The following RFX3 variants were observed in gnomAD, a reference collection of about 807,000 sequenced individuals.
RFX3 encodes the protein transcription factor RFX3.
A neutral mutation model predicts 98.6 loss-of-function variants in RFX3; 14 were observed. The observed-to-expected ratio is 0.14, with a 90% CI of 0.09 to 0.22. RFX3 has a LOEUF of 0.22. RFX3 is among the 10% of genes least tolerant of loss of function. The pLI is 1.00. For missense variants in RFX3, 639 were observed against 926.9 expected, an observed-to-expected ratio of 0.69 and a Z score of 4.03; for synonymous variants, 383 against 328.4, an observed-to-expected ratio of 1.17 and a Z score of -1.80.
chr9:3,330,169 A>G (rs1832422763), intron 4 of RFX3, 90 bp downstream of exon 4: 1 of 1,329,302 alleles, frequency 7.5e-7, no homozygotes. Context: ...CCCCAGTCCC[A>G]TCTGTGTTGT....
At chr9:3,302,711 G>T (rs573351347) in intron 4 of RFX3, among the ~76,000 whole-genome samples, 1 of 151,652 alleles carries the variant, frequency 6.6e-6, no homozygotes, top group African/African-American at 2.4e-5. Flanking sequence ...TTAACATACT[G>T]CCCCCTCCCA....
chr9:3,349,660 T>A (rs528608584), intron 2 of RFX3, among the ~76,000 whole-genome samples: 1 of 152,192 alleles, frequency 6.6e-6, no homozygotes, highest in South Asian at 2.1e-4. Context: ...CTATATCTTT[T>A]TAGACAAACG....
chr9:3,384,945 G>A (rs1839551087), intron 2 of RFX3, among the ~76,000 whole-genome samples: 1 of 152,066 alleles, frequency 6.6e-6, no homozygotes, highest in Admixed American at 6.6e-5. Flanking sequence ...TCAAATCTTA[G>A]CTTAAAAGTC....
chr9:3,234,232 C>G (rs577389), intron 15 of RFX3, among the ~76,000 whole-genome samples: 127,550 of 152,226 alleles, frequency 0.84, 54,790 homozygotes, highest in East Asian at 0.97. Context: ...AAATATTTTA[C>G]GCTTTATAGT....
At chr9:3,291,902 C>T (rs1423090636) in intron 6 of RFX3, among the ~76,000 whole-genome samples, 10 of 151,462 alleles carry the variant, frequency 6.6e-5, no homozygotes. Context: ...ACTAAAAATA[C>T]AATAATTAGC....
chr9:3,519,934 CA>C (rs554350157), intron 1 of RFX3, among the ~76,000 whole-genome samples: 3,521 of 115,958 alleles, frequency 0.03, 91 homozygotes, highest in African/African-American at 0.088. Flanking sequence ...CCTGTCTCTA[CA>C]AAAAAAAAAA....
chr9:3,394,058 G>C (rs931159854), intron 2 of RFX3, among the ~76,000 whole-genome samples: 4 of 152,164 alleles, frequency 2.6e-5, no homozygotes, highest in African/African-American at 7.2e-5. Flanking sequence ...ACTTTTTGTA[G>C]ATCAAAACTA....
At chr9:3,234,796 T>C (rs1818917550) in intron 15 of RFX3, among the ~76,000 whole-genome samples, 1 of 152,232 alleles carries the variant, frequency 6.6e-6, no homozygotes, top group South Asian at 2.1e-4. Context: ...CTGGAAGACC[T>C]GCTCCAGCTC....
At chr9:3,262,228 G>C (rs1402956049) in intron 13 of RFX3, among the ~76,000 whole-genome samples, 2 of 152,006 alleles carry the variant, frequency 1.3e-5, no homozygotes, top group African/African-American at 2.4e-5. Flanking sequence ...GTAACATTTA[G>C]ATTCATTACT....
chr9:3,396,184 C>A (rs912999271), intron 1 of RFX3, among the ~76,000 whole-genome samples: 1 of 151,862 alleles, frequency 6.6e-6, no homozygotes, highest in Non-Finnish European at 1.5e-5. Context: ...TGCTATGCCT[C>A]CCCCCTCCCC....
At chr9:3,434,696 T>C (rs1386620384) in intron 1 of RFX3, among the ~76,000 whole-genome samples, 1 of 152,054 alleles carries the variant, frequency 6.6e-6, no homozygotes, top group African/African-American at 2.4e-5. Context: ...CCACCCTCCT[T>C]CTGCACTCCA....
chr9:3,343,918 C>T (rs1230959799), intron 3 of RFX3, among the ~76,000 whole-genome samples: 1 of 152,108 alleles, frequency 6.6e-6, no homozygotes, highest in Non-Finnish European at 1.5e-5. Context: ...GCTAGTGGGC[C>T]ATAGAAAATA....
At chr9:3,235,859 A>G (rs575109289) in intron 15 of RFX3, among the ~76,000 whole-genome samples, 2 of 152,142 alleles carry the variant, frequency 1.3e-5, no homozygotes, top group Admixed American at 6.5e-5. Flanking sequence ...AATTCAACCA[A>G]TTAGCAACCT....
chr9:3,381,362 C>G (rs1839176500), intron 2 of RFX3, among the ~76,000 whole-genome samples: 1 of 152,018 alleles, frequency 6.6e-6, no homozygotes, highest in Admixed American at 6.6e-5. Context: ...TTACTGGGAT[C>G]TGAAGCTTAG....
intron 1 of RFX3, among the ~76,000 whole-genome samples, chr9:3,499,682 C>G (rs902967382): frequency 6.6e-6 from 1 of 151,970 alleles, no homozygotes; most frequent in African/African-American, 2.4e-5. Flanking sequence ...ATTTGTATTA[C>G]TTATTTTTAA....
chr9:3,301,582 A>C lies in RFX3; in HGVS notation c.513T>G (p.Gly171=), dbSNP rs781615118. 2 of 1,602,358 alleles carry C rather than the reference A, an allele frequency of 1.2e-6. No individual in the cohort carries two copies. Among genetic ancestry groups the C allele is most frequent in the South Asian group, 2.2e-5 (2 of 89,690 alleles). ...MAIETLQKSD[G]LSTHRSSLLN... ...GAAGAGAGCTTCTGTGAGTGGACAGACCGTCAGACTTTTGCAGCGTCTCAA... is the reference window on the plus strand; with the variant it reads ...GAAGAGAGCTTCTGTGAGTGGACAGCCCGTCAGACTTTTGCAGCGTCTCAA... Residue 171 remains glycine (G), a synonymous_variant, in exon 5 of 17, where the codon GGT becomes GGG. Coordinates refer to ENST00000617270, the MANE Select transcript of RFX3 (RefSeq NM_001282116.2).
intron 1 of RFX3, among the ~76,000 whole-genome samples, chr9:3,499,069 T>C (rs2133616462): frequency 6.6e-6 from 1 of 152,194 alleles, no homozygotes; most frequent in South Asian, 2.1e-4. Flanking sequence ...TACACAAATA[T>C]TCAAAATGTA....
chr9:3,225,486 G>A (rs1817658468), intron 16 of RFX3, among the ~76,000 whole-genome samples: 1 of 151,916 alleles, frequency 6.6e-6, no homozygotes, highest in Non-Finnish European at 1.5e-5. Context: ...TTCAAACATA[G>A]TGAGATTAAT....
intron 1 of RFX3, among the ~76,000 whole-genome samples, chr9:3,473,491 A>T (rs900302023): frequency 6.6e-6 from 1 of 152,202 alleles, no homozygotes; most frequent in Non-Finnish European, 1.5e-5. Context: ...TGGATCCAAG[A>T]AATATATAAG....
Sources: allele counts gnomAD v4.1 joint callset (sites outside exome capture counted in the v4.1 genomes callset), GRCh38; gene constraint gnomAD v4.1.1; transcripts MANE v1.5; gene names NCBI Gene and HGNC (gene_info 2026-07-23, HGNC 2026-07-21).